RBFOX1: variants seen among roughly 807,000 people sequenced by gnomAD.
The protein encoded by RBFOX1 is RNA binding protein fox-1 homolog 1.
A neutral mutation model predicts 57.7 loss-of-function variants in RBFOX1; 8 were observed. The ratio of observed to expected loss-of-function variants is 0.14; its 90% CI spans 0.08 to 0.25. The LOEUF (loss-of-function observed/expected upper bound fraction) is 0.25, where lower values mean the gene tolerates loss of function less well. Among genes scored for constraint, RBFOX1 ranks in the 10% least tolerant of loss-of-function variants. The probability of loss-of-function intolerance (pLI) is 1.00; values close to 1 mark genes in which losing one functional copy is unlikely to be tolerated. For missense variants in RBFOX1, 611 were observed against 548.5 expected (o/e 1.11, Z -1.14); for synonymous variants, 326 against 222.4 (o/e 1.47, Z -4.15).
At chr16:7,570,908 G>C (rs1339639991) in intron 5 of RBFOX1, among the ~76,000 whole-genome samples, 3 of 152,136 alleles carry the variant, frequency 2.0e-5, no homozygotes, top group Non-Finnish European at 2.9e-5. Context: ...AGCCATGAAA[G>C]GGAAGAAGAT....
At chr16:7,427,132 A>C (rs78768935) in intron 4 of RBFOX1, among the ~76,000 whole-genome samples, 3 of 152,140 alleles carry the variant, frequency 2.0e-5, no homozygotes, top group Admixed American at 2.0e-4. Flanking sequence ...GGGGGAGCGG[A>C]GAGGGATAGC....
At chr16:7,315,023 A>C (rs1448713396) in intron 4 of RBFOX1, among the ~76,000 whole-genome samples, 1 of 152,068 alleles carries the variant, frequency 6.6e-6, no homozygotes, top group Non-Finnish European at 1.5e-5. Flanking sequence ...GAAGAAAACA[A>C]ATCATAACCT....
At chr16:6,153,814 G>A (rs1397534619) in intron 1 of RBFOX1, among the ~76,000 whole-genome samples, 2 of 152,166 alleles carry the variant, frequency 1.3e-5, no homozygotes, top group Non-Finnish European at 2.9e-5. Context: ...GGGATTACAG[G>A]TGTGAGCCAC....
chr16:5,519,417 A>G (rs1028879967), intron 2 of RBFOX1, among the ~76,000 whole-genome samples: 3 of 152,184 alleles, frequency 2.0e-5, no homozygotes, highest in Admixed American at 1.3e-4. Flanking sequence ...ATGCTCACCC[A>G]TACTTAATTT....
chr16:6,159,750 G>A (rs910750755), intron 1 of RBFOX1, among the ~76,000 whole-genome samples: 7 of 152,200 alleles, frequency 4.6e-5, no homozygotes, highest in South Asian at 4.2e-4. Flanking sequence ...TAAAGATTTC[G>A]CAGGGATGTG....
At chr16:5,833,289 C>G (rs1050096800) in intron 3 of RBFOX1, among the ~76,000 whole-genome samples, 2 of 151,880 alleles carry the variant, frequency 1.3e-5, no homozygotes, top group African/African-American at 4.8e-5. Context: ...GTCAGGAGAT[C>G]GAGACCATCC....
At chr16:7,645,997 AAAAAAAG>A (rs899919232) in intron 11 of RBFOX1, among the ~76,000 whole-genome samples, 11 of 145,794 alleles carry the variant, frequency 7.5e-5, no homozygotes, top group Admixed American at 4.8e-4. Context: ...GGATTTTTTT[AAAAAAAG>A]AAAAACCTTT....
intron 2 of RBFOX1, among the ~76,000 whole-genome samples, chr16:5,524,641 G>A (rs1042640011): frequency 5.9e-5 from 9 of 151,478 alleles, no homozygotes; most frequent in Non-Finnish European, 8.8e-5. Context: ...CCTGGGTTCC[G>A]TCAGTCCTCC....
intron 3 of RBFOX1, among the ~76,000 whole-genome samples, chr16:6,944,988 G>C (rs1000937190): frequency 6.6e-6 from 1 of 152,122 alleles, no homozygotes; most frequent in Non-Finnish European, 1.5e-5. Flanking sequence ...CCTCCTGGGT[G>C]AAAAGGGTCG....
chr16:6,444,196 G>A (rs897905399), intron 2 of RBFOX1, among the ~76,000 whole-genome samples: 1 of 152,000 alleles, frequency 6.6e-6, no homozygotes. Context: ...GTGTGCACTG[G>A]GCAGGTTGTA....
At chr16:6,492,135 G>C (rs370490140) in intron 2 of RBFOX1, among the ~76,000 whole-genome samples, 1 of 140,168 alleles carries the variant, frequency 7.1e-6, no homozygotes, top group Admixed American at 7.3e-5. Flanking sequence ...TGTGTGTGCG[G>C]GCGTGTGAAA....
intron 1 of RBFOX1, among the ~76,000 whole-genome samples, chr16:5,356,173 C>T (rs534912511): frequency 2.6e-4 from 39 of 152,192 alleles, no homozygotes; most frequent in African/African-American, 8.9e-4. Flanking sequence ...ACTGGAGTGA[C>T]GCATCTAACA....
intron 3 of RBFOX1, among the ~76,000 whole-genome samples, chr16:6,890,670 C>G (rs1278781480): frequency 6.6e-6 from 1 of 152,212 alleles, no homozygotes; most frequent in East Asian, 1.9e-4. Flanking sequence ...TTATCTCCAT[C>G]TTGTCTGTCC....
chr16:5,981,817 C>T (rs974307449), intron 4 of RBFOX1, among the ~76,000 whole-genome samples: 6 of 152,102 alleles, frequency 3.9e-5, no homozygotes, highest in Admixed American at 2.6e-4. Context: ...CCTGAACGGA[C>T]GTTTGACAAT....
At chr16:6,145,642 A>C (rs2096752163) in intron 1 of RBFOX1, among the ~76,000 whole-genome samples, 1 of 152,100 alleles carries the variant, frequency 6.6e-6, no homozygotes, top group Non-Finnish European at 1.5e-5. Context: ...AGAGAGCCTA[A>C]ATGTTTGTTT....
intron 1 of RBFOX1, among the ~76,000 whole-genome samples, chr16:6,237,947 C>T (rs929175872): frequency 4.7e-5 from 7 of 150,420 alleles, no homozygotes; most frequent in Non-Finnish European, 7.4e-5. Flanking sequence ...AAAAATTAGC[C>T]GGGCGTGGTG....
intron 2 of RBFOX1, among the ~76,000 whole-genome samples, chr16:6,565,965 A>G (rs2097259803): frequency 6.6e-6 from 1 of 152,104 alleles, no homozygotes; most frequent in Admixed American, 6.6e-5. Context: ...CTCTCTGTTC[A>G]TCCTGCACTG....
chr16:7,591,430 C>T (rs958614546), intron 7 of RBFOX1, among the ~76,000 whole-genome samples: 3 of 151,208 alleles, frequency 2.0e-5, no homozygotes, highest in African/African-American at 7.3e-5. Context: ...TGCATGAATG[C>T]AAAAAAGGAA....
At chr16:6,711,985 C>T (rs1233684479) in intron 3 of RBFOX1, among the ~76,000 whole-genome samples, 5 of 152,096 alleles carry the variant, frequency 3.3e-5, no homozygotes, top group Non-Finnish European at 5.9e-5. Context: ...GTATAGTATA[C>T]GTTTTAGTGA....
Sources: allele counts gnomAD v4.1 joint callset (sites outside exome capture counted in the v4.1 genomes callset), GRCh38; gene constraint gnomAD v4.1.1; transcripts MANE v1.5; gene names NCBI Gene and HGNC (gene_info 2026-07-23, HGNC 2026-07-21).